LMAN1: variants seen among roughly 807,000 people sequenced by gnomAD.
The protein encoded by LMAN1 is protein ERGIC-53.
A neutral mutation model predicts 67.8 loss-of-function variants in LMAN1; 32 were observed. That is an observed-to-expected ratio of 0.47 (90% CI 0.36 to 0.63). The LOEUF (loss-of-function observed/expected upper bound fraction) is 0.63, where lower values mean the gene tolerates loss of function less well. Among genes scored for constraint, LMAN1 ranks in the 30% least tolerant of loss-of-function variants. The pLI, the probability that LMAN1 is intolerant of heterozygous loss-of-function variation, is 0.00. For missense variants in LMAN1, 632 were observed against 628.2 expected (o/e 1.01, Z -0.06); for synonymous variants, 235 against 219.3 (o/e 1.07, Z -0.63).
chr18:59,331,251 A>G, intron 12 of LMAN1, 122 bp from the exon 13 acceptor site: 1 of 1,061,096 alleles, frequency 9.4e-7, no homozygotes. Flanking sequence ...TAAGATAAAC[A>G]TATATTCTAC....
At chr18:59,356,066 C>A (rs1908654968) in intron 1 of LMAN1, among the ~76,000 whole-genome samples, 1 of 152,190 alleles carries the variant, frequency 6.6e-6, no homozygotes, top group African/African-American at 2.4e-5. Context: ...GAGACTTGTT[C>A]CTAGTCTCAG....
rs533458898 is a variant in LMAN1, at chr18:59,346,815, C to T, written c.822+698G>A. ...GATTACAGGCATGAGCCACCACACC[C>T]GGCCTACTCTTGCCTCTAATAATAA... is the stretch of plus-strand genomic sequence containing the variant. On this transcript the variant is annotated intron_variant, in intron 7 of 12. Coordinates refer to ENST00000251047, the MANE Select transcript of LMAN1 (RefSeq NM_005570.4). Among the ~76,000 whole-genome samples the T allele has an allele frequency of 1.1e-4, 16 of 152,108 alleles. No homozygotes were observed. The South Asian group carries it at 2.3e-3, about 22-fold the overall frequency.
Position 59,338,926 on chromosome 18 carries a change from T to C in LMAN1, c.983A>G (p.Asp328Gly). 2 of 1,612,922 alleles carry C rather than the reference T, an allele frequency of 1.2e-6. No homozygotes were observed. The highest frequency in any genetic ancestry group is 1.7e-6 in the Non-Finnish European group (2 of 1,179,760). Residue 328 changes from aspartate to glycine, a missense_variant, in exon 9 of 13, where the codon GAT becomes GGT. Asp to Gly is a moderately conservative substitution (Grantham distance 94, BLOSUM62 -1). Coordinates refer to ENST00000251047, the MANE Select transcript of LMAN1 (RefSeq NM_005570.4). ...TTCAAAGACTTGTCTTAGCTCTCGA[T>C]CTCCTACACTCTCAAATATTTCCTC... The part of the protein sequence containing the change: ...PAEEIFESVG[D>G]RELRQVFEGQ...
intron 8 of LMAN1, among the ~76,000 whole-genome samples, chr18:59,340,632 G>C (rs1179252553): frequency 1.3e-5 from 2 of 152,134 alleles, no homozygotes; most frequent in East Asian, 3.8e-4. Context: ...GACAGGAAAT[G>C]CTCAAAGCGG....
chr18:59,347,216 C>T (rs2144224306), intron 7 of LMAN1, among the ~76,000 whole-genome samples: 1 of 151,914 alleles, frequency 6.6e-6, no homozygotes, highest in African/African-American at 2.4e-5. Flanking sequence ...CCTCAGCCTC[C>T]CGAGTAGCTG....
At position 59,359,129 on chromosome 18, in the gene LMAN1, A is replaced by G. The variant is rs33926449; in HGVS notation, c.116T>C (p.Val39Ala). 0.083 allele frequency: 134,721 copies of G among 1,613,990 alleles called. 6,154 individuals carry two copies. Among genetic ancestry groups the G allele is most frequent in the African/African-American group, 0.14 (10,650 of 75,032 alleles). Residue 39 changes from valine to alanine, a missense_variant, in exon 1 of 13, where the codon GTC becomes GCC. By Grantham distance (64) the Val-to-Ala change is moderately conservative (BLOSUM62 0). Transcript: ENST00000251047. Reference protein sequence around the residue: ...RGDGVGGDPAVALPHRRFEYK... With the variant: ...RGDGVGGDPAAALPHRRFEYK... ...CTCGAAACGGCGATGTGGCAACGCG[A>G]CCGCGGGGTCTCCTCCCACGCCGTC...
At position 59,329,011 on chromosome 18, in the gene LMAN1, T is replaced by C. The variant is rs897181596; in HGVS notation, c.*2082A>G. On this transcript the variant is annotated 3_prime_UTR_variant, in exon 13 of 13. Coordinates refer to ENST00000251047, the MANE Select transcript of LMAN1 (RefSeq NM_005570.4). ...TGAGAGAAGTGAACAAATTCAATTA[T>C]ACAAAATAGTACAGAAATGAAAGAA... is the stretch of plus-strand genomic sequence containing the variant. 3 of 152,184 alleles carry C rather than the reference T, an allele frequency of 2.0e-5. No individual in the cohort carries two copies. The highest frequency in any genetic ancestry group is 4.4e-5 in the Non-Finnish European group (3 of 68,018). 9.4% of individuals were successfully genotyped at this position (152,184 alleles called of 1,614,324 possible).
At chr18:59,333,807 C>T (rs1330934902) in intron 10 of LMAN1, 3 of 150,106 alleles carry the variant, frequency 2.0e-5, no homozygotes, top group Non-Finnish European at 4.4e-5. Flanking sequence ...TAAGTTATTT[C>T]ACTGGAGTCA....
At chr18:59,358,765 T>A (rs185878790) in intron 1 of LMAN1, among the ~76,000 whole-genome samples, 1 of 151,952 alleles carries the variant, frequency 6.6e-6, no homozygotes, top group Non-Finnish European at 1.5e-5. Flanking sequence ...CAACGGAAAG[T>A]ACCGACGAGA....
In LMAN1 at chr18:59,354,537, AT is replaced by A. The variant is rs1464291095; in HGVS notation, c.520del (p.Ile174SerfsTer39). 1.3e-6 allele frequency: 2 copies of A among 1,515,472 alleles called. No individual in the cohort carries two copies. Among genetic ancestry groups the A allele is most frequent in the Non-Finnish European group, 1.8e-6 (2 of 1,090,982 alleles). The allele number at this position is 1,515,472 out of a possible 1,614,324, so 93.9% of individuals were successfully genotyped here. A position where few individuals can be genotyped will look rare whatever the true frequency, so the allele number is the denominator to read the frequency against. ...AIVIIGNNGQ[I>X]HYDHQNDGAS... ...CACTTACTTTTGATGGTCATAATGGATTTGTCCATTGTTGCCTATAATTACT... is the reference window on the plus strand; with the variant it reads ...CACTTACTTTTGATGGTCATAATGGATTGTCCATTGTTGCCTATAATTACT... On this transcript the variant is annotated frameshift_variant, in exon 4 of 13. Transcript: ENST00000251047. LOFTEE classifies it high-confidence loss of function.
chr18:59,353,535 G>A (rs1393480085), intron 4 of LMAN1, among the ~76,000 whole-genome samples: 1 of 152,104 alleles, frequency 6.6e-6, no homozygotes, highest in African/African-American at 2.4e-5. Flanking sequence ...ATCAACTGAA[G>A]CAGAATCAAA....
chr18:59,346,229 TTTTTTTTAGAGAC>T (rs1908402309), intron 7 of LMAN1, among the ~76,000 whole-genome samples, 178 bp from the exon 8 acceptor site: 1 of 140,908 alleles, frequency 7.1e-6, no homozygotes, highest in African/African-American at 2.6e-5. Flanking sequence ...TTTTTTTTTT[TTTTTTTTAGAGAC>T]AAGAGTCGCG....
chr18:59,349,342 G>T, intron 5 of LMAN1, 106 bp from the exon 6 acceptor site: 1 of 1,031,934 alleles, frequency 9.7e-7, no homozygotes. Context: ...TTATTATAAA[G>T]AGTAATTTTA....
intron 11 of LMAN1, among the ~76,000 whole-genome samples, chr18:59,332,491 T>G (rs2070753417): frequency 6.6e-6 from 1 of 152,190 alleles, no homozygotes; most frequent in Admixed American, 6.5e-5. Context: ...CAGTTTAATG[T>G]AACATTATTA....
At position 59,354,538 on chromosome 18, in the gene LMAN1, T is replaced by C. The variant is rs1022888006; in HGVS notation, c.520A>G (p.Ile174Val). Residue 174 changes from isoleucine to valine, a missense_variant, in exon 4 of 13, where the codon ATC becomes GTC. Coordinates refer to ENST00000251047, the MANE Select transcript of LMAN1 (RefSeq NM_005570.4). ...ACTTACTTTTGATGGTCATAATGGA[T>C]TTGTCCATTGTTGCCTATAATTACT... ...AIVIIGNNGQ[I>V]HYDHQNDGAS... 3 of 1,515,906 alleles carry C rather than the reference T, an allele frequency of 2.0e-6. No individual in the cohort carries two copies. The highest frequency in any genetic ancestry group is 2.7e-6 in the Non-Finnish European group (3 of 1,091,326). The allele number at this position is 1,515,906 out of a possible 1,614,324, so 93.9% of individuals were successfully genotyped here. A position where few individuals can be genotyped will look rare whatever the true frequency, so the allele number is the denominator to read the frequency against.
intron 8 of LMAN1, among the ~76,000 whole-genome samples, chr18:59,340,170 G>C (rs917299481): frequency 6.6e-6 from 1 of 152,118 alleles, no homozygotes; most frequent in East Asian, 1.9e-4. Context: ...TCCTTAGTCC[G>C]AGTTCAAGTT....
At chr18:59,331,800 A>T (rs2070749297) in intron 11 of LMAN1, among the ~76,000 whole-genome samples, 1 of 152,130 alleles carries the variant, frequency 6.6e-6, no homozygotes, top group Non-Finnish European at 1.5e-5. Flanking sequence ...GTATATGATG[A>T]TGTTGCTGTC....
intron 10 of LMAN1, among the ~76,000 whole-genome samples, chr18:59,336,758 C>G (rs1481847835): frequency 6.6e-6 from 1 of 151,898 alleles, no homozygotes; most frequent in Non-Finnish European, 1.5e-5. Context: ...GTGGCATGTA[C>G]CTGTAGTCCC....
Position 59,357,963 on chromosome 18 carries a change from TAA to T in LMAN1, c.214+1066_214+1067del, listed in dbSNP as rs150790005. On this transcript the variant is annotated intron_variant, in intron 1 of 12. Transcript: ENST00000251047. ...TGCACATGTACCCTAAACCTTATAG[TAA>T]AAAAAAAAAAAAAAAAAAAGATTAA... Among the ~76,000 whole-genome samples, 407 of 102,504 alleles carry T rather than the reference TAA, an allele frequency of 4.0e-3. 1 individual carries two copies. The highest frequency in any genetic ancestry group is 0.013 in the African/African-American group (320 of 25,368). 67.2% of individuals were successfully genotyped at this position (102,504 alleles called of 152,430 possible).
Sources: gnomAD v4.1 joint callset for allele counts (sites outside exome capture counted in the v4.1 genomes callset) on GRCh38, gnomAD v4.1.1 for gene constraint, MANE v1.5 for transcripts, NCBI Gene and HGNC (gene_info 2026-07-23, HGNC 2026-07-21) for gene names.